KIAA0825: variants seen among roughly 807,000 people sequenced by gnomAD.
KIAA0825 encodes the protein uncharacterized protein KIAA0825.
KIAA0825 carries 119 observed loss-of-function variants against 147.6 expected under a neutral mutation model. The observed-to-expected ratio is 0.81, with a 90% CI of 0.69 to 0.94. KIAA0825 has a LOEUF of 0.94. Ranked by LOEUF, KIAA0825 falls within the 40% of genes least tolerant of loss-of-function variation. KIAA0825 has a pLI of 0.00. For synonymous variants in KIAA0825, 470 were observed against 518.1 expected (o/e 0.91, Z 1.26); for missense variants, 1,381 against 1,472.7 (o/e 0.94, Z 1.02).
At chr5:94,241,959 A>G (rs2150105813) in intron 20 of KIAA0825, among the ~76,000 whole-genome samples, 1 of 152,316 alleles carries the variant, frequency 6.6e-6, no homozygotes, top group Admixed American at 6.5e-5. Flanking sequence ...AGATTGTTTT[A>G]CTTTATCTCT....
chr5:94,468,918 A>T (rs1760880548), intron 10 of KIAA0825, among the ~76,000 whole-genome samples: 2 of 152,216 alleles, frequency 1.3e-5, no homozygotes, highest in Non-Finnish European at 2.9e-5. Context: ...GAATTTTTTT[A>T]AAAATCCTGA....
intron 1 of KIAA0825, chr5:94,611,927 AGAGT>A (rs1321686558): frequency 1.3e-5 from 2 of 152,412 alleles, no homozygotes; most frequent in Non-Finnish European, 2.9e-5. Context: ...GCTGGGTGAC[AGAGT>A]GAGACTCTGT....
chr5:94,248,906 T>A (rs575758152), intron 20 of KIAA0825, among the ~76,000 whole-genome samples: 1 of 152,266 alleles, frequency 6.6e-6, no homozygotes, highest in East Asian at 1.9e-4. Context: ...ATTGCCATTT[T>A]CTAGGTAACA....
At chr5:94,313,932 G>A (rs1779410066) in intron 20 of KIAA0825, among the ~76,000 whole-genome samples, 2 of 151,510 alleles carry the variant, frequency 1.3e-5, no homozygotes. Flanking sequence ...GTATCAATCA[G>A]TCCACGATCA....
intron 20 of KIAA0825, among the ~76,000 whole-genome samples, chr5:94,215,871 A>C (rs935775047): frequency 1.3e-5 from 2 of 152,044 alleles, no homozygotes; most frequent in Non-Finnish European, 1.5e-5. Context: ...ACCCCTAAGC[A>C]TCCCTGAGGA....
intron 20 of KIAA0825, among the ~76,000 whole-genome samples, chr5:94,184,082 C>CA (rs1769905009): frequency 6.6e-6 from 1 of 152,112 alleles, no homozygotes; most frequent in Non-Finnish European, 1.5e-5. Flanking sequence ...TAGTTGGTAT[C>CA]AGAGTTAAAT....
chr5:94,233,141 G>A (rs1774834043), intron 20 of KIAA0825, among the ~76,000 whole-genome samples: 1 of 152,108 alleles, frequency 6.6e-6, no homozygotes, highest in Non-Finnish European at 1.5e-5. Flanking sequence ...GGCAAAACAA[G>A]GAACATAAAA....
chr5:94,407,035 G>C (rs1177051260), intron 15 of KIAA0825, among the ~76,000 whole-genome samples: 1 of 152,166 alleles, frequency 6.6e-6, no homozygotes, highest in East Asian at 1.9e-4. Context: ...GATACTGGTT[G>C]CTGCAAACAA....
chr5:94,507,354 C>T lies in KIAA0825; in HGVS notation c.970+12894G>A, dbSNP rs369016046. On this transcript the variant is annotated intron_variant, in intron 5 of 20. Coordinates refer to ENST00000682413, the MANE Select transcript of KIAA0825 (RefSeq NM_001145678.3). ...TCCCAGCTACTCAGGAGGCTGAGGC[C>T]AGGAGAATGAATCCCTTGAATCCAG... Among the ~76,000 whole-genome samples, 9 of 152,056 alleles carry T rather than the reference C, an allele frequency of 5.9e-5. No homozygotes were observed. In the East Asian group the frequency reaches 1.2e-3, roughly 20 times the overall value.
chr5:94,320,262 A>C (rs1460831204), intron 20 of KIAA0825, among the ~76,000 whole-genome samples: 1 of 151,982 alleles, frequency 6.6e-6, no homozygotes, highest in Non-Finnish European at 1.5e-5. Context: ...CATGCATAGA[A>C]TATGTAATGA....
At chr5:94,381,996 G>C (rs1314028790) in intron 20 of KIAA0825, among the ~76,000 whole-genome samples, 4 of 151,752 alleles carry the variant, frequency 2.6e-5, no homozygotes, top group African/African-American at 9.7e-5. Flanking sequence ...ACTTTTCTTT[G>C]TAATATTATG....
intron 12 of KIAA0825, among the ~76,000 whole-genome samples, chr5:94,454,702 A>T (rs1758864010): frequency 6.6e-6 from 1 of 152,160 alleles, no homozygotes; most frequent in African/African-American, 2.4e-5. Flanking sequence ...TGGGATTAAC[A>T]CTAGCAGTTT....
chr5:94,433,415 A>G (rs1272671904), intron 14 of KIAA0825, among the ~76,000 whole-genome samples: 1 of 152,186 alleles, frequency 6.6e-6, no homozygotes, highest in African/African-American at 2.4e-5. Context: ...TGTTATCTTT[A>G]GGCACTTTGT....
chr5:94,535,516 A>AG (rs1417188749), intron 3 of KIAA0825, among the ~76,000 whole-genome samples: 2 of 151,566 alleles, frequency 1.3e-5, no homozygotes, highest in Non-Finnish European at 2.9e-5. Flanking sequence ...AAAAAAAAAA[A>AG]AAAGCTTGTA....
chr5:94,341,734 T>TA (rs199805646), intron 20 of KIAA0825, among the ~76,000 whole-genome samples: 26 of 150,020 alleles, frequency 1.7e-4, no homozygotes, highest in Non-Finnish European at 2.5e-4. Flanking sequence ...TCTAGTGAAA[T>TA]AAAAAAAAAG....
At chr5:94,220,250 C>G (rs1562319453) in intron 20 of KIAA0825, among the ~76,000 whole-genome samples, 1 of 152,148 alleles carries the variant, frequency 6.6e-6, no homozygotes, top group Non-Finnish European at 1.5e-5. Flanking sequence ...CATCTTATCC[C>G]ACTGGAAGTT....
Position 94,295,351 on chromosome 5 carries a change from G to C in KIAA0825, c.3710+89017C>G, listed in dbSNP as rs932889224. ...TTTTTTCAAGGTTATTAGCTTCCCT[G>C]CATTGGGTTAGAACAAGCTCCTTTA... On this transcript the variant is annotated intron_variant, in intron 20 of 20. Transcript: ENST00000682413. Among the ~76,000 whole-genome samples the C allele has an allele frequency of 2.6e-5, 4 of 152,022 alleles. No homozygotes were observed. The East Asian group carries it at 7.8e-4, about 30-fold the overall frequency.
chr5:94,557,238 C>T (rs1776702479), intron 2 of KIAA0825, among the ~76,000 whole-genome samples: 2 of 152,136 alleles, frequency 1.3e-5, no homozygotes, highest in East Asian at 3.9e-4. Flanking sequence ...TCAGACTCCT[C>T]CTAACTGGGA....
chr5:94,256,316 T>C lies in KIAA0825; in HGVS notation c.3711-102192A>G, dbSNP rs547545339. ...TGTCTCTATTATTAAATCTCTGGTA[T>C]TGGGGTTCCTCAAAGAATAGCCTTC... is the stretch of plus-strand genomic sequence containing the variant. On this transcript the variant is annotated intron_variant, in intron 20 of 20. Coordinates refer to ENST00000682413, the MANE Select transcript of KIAA0825 (RefSeq NM_001145678.3). Among the ~76,000 whole-genome samples, 10 of 152,278 alleles carry C rather than the reference T, an allele frequency of 6.6e-5. 1 individual carries two copies. The highest frequency in any genetic ancestry group is 2.2e-4 in the African/African-American group (9 of 41,574).
Sources: gnomAD v4.1 joint callset for allele counts (sites outside exome capture counted in the v4.1 genomes callset) on GRCh38, gnomAD v4.1.1 for gene constraint, MANE v1.5 for transcripts, NCBI Gene and HGNC (gene_info 2026-07-23, HGNC 2026-07-21) for gene names.